The following ITGB8 variants were observed in gnomAD, a reference collection of about 807,000 sequenced individuals.
The protein encoded by ITGB8 is integrin subunit beta 8.
Under a neutral mutation model 89.5 loss-of-function variants are expected in ITGB8, and 30 were observed. That is an observed-to-expected ratio of 0.34 (90% CI 0.25 to 0.45). ITGB8 has a LOEUF of 0.45. ITGB8 is among the 20% of genes least tolerant of loss of function. The probability of loss-of-function intolerance (pLI) is 1.00; values close to 1 mark genes in which losing one functional copy is unlikely to be tolerated. For synonymous variants in ITGB8, 335 were observed against 320.4 expected (o/e 1.05, Z -0.49); for missense variants, 836 against 933.3 (o/e 0.90, Z 1.36).
chr7:20,338,448 G>A (rs747283668), intron 1 of ITGB8, among the ~76,000 whole-genome samples: 5 of 151,978 alleles, frequency 3.3e-5, no homozygotes, highest in Non-Finnish European at 5.9e-5. Flanking sequence ...CCAACATGGA[G>A]TAAAGACCAG....
At chr7:20,406,643 ATCT>A (rs1787557743) in intron 12 of ITGB8, among the ~76,000 whole-genome samples, 2 of 151,722 alleles carry the variant, frequency 1.3e-5, no homozygotes, top group South Asian at 4.2e-4. Flanking sequence ...TTTTTGTGTC[ATCT>A]TCTACCTTAG....
At chr7:20,360,156 G>A (rs1054968062) in intron 1 of ITGB8, among the ~76,000 whole-genome samples, 10 of 152,120 alleles carry the variant, frequency 6.6e-5, no homozygotes, top group Middle Eastern at 3.2e-3. Flanking sequence ...TTAAAGAAAA[G>A]AATCAGAATA....
intron 1 of ITGB8, among the ~76,000 whole-genome samples, chr7:20,332,230 G>C (rs116856540): frequency 6.6e-6 from 1 of 152,228 alleles, no homozygotes; most frequent in African/African-American, 2.4e-5. Context: ...CCTGTTTACA[G>C]AAGTCATTTA....
intron 3 of ITGB8, among the ~76,000 whole-genome samples, chr7:20,374,858 A>G (rs1197747358): frequency 6.6e-6 from 1 of 152,192 alleles, no homozygotes; most frequent in Admixed American, 6.5e-5. Flanking sequence ...AGAGCTGTTG[A>G]CAAAAAATAA....
At chr7:20,386,348 C>T (rs1013809761) in intron 6 of ITGB8, among the ~76,000 whole-genome samples, 1 of 150,950 alleles carries the variant, frequency 6.6e-6, no homozygotes, top group African/African-American at 2.4e-5. Flanking sequence ...AAGCGATTCT[C>T]CTGCCTCAGC....
chr7:20,396,300 G>A (rs1787074470), intron 8 of ITGB8, among the ~76,000 whole-genome samples: 1 of 152,074 alleles, frequency 6.6e-6, no homozygotes, highest in African/African-American at 2.4e-5. Context: ...GGGCATGGTG[G>A]CGGGTGCCTG....
At chr7:20,366,237 G>A (rs1321005260) in intron 2 of ITGB8, 1 of 152,174 alleles carries the variant, frequency 6.6e-6, no homozygotes, top group African/African-American at 2.4e-5. Flanking sequence ...CTGATGCAGA[G>A]TGTCATGCGT....
At chr7:20,335,708 T>C (rs1784552002) in intron 1 of ITGB8, among the ~76,000 whole-genome samples, 1 of 152,198 alleles carries the variant, frequency 6.6e-6, no homozygotes, top group Non-Finnish European at 1.5e-5. Context: ...TGAGCAGGCT[T>C]TCTTTATCAC....
Position 20,414,883 on chromosome 7 carries a change from G to A in ITGB8, c.*4886G>A, listed in dbSNP as rs1787878820. On this transcript the variant is annotated 3_prime_UTR_variant, in exon 14 of 14. Transcript: ENST00000222573. ...AACTCTATTAATCAGGTTTCTTCTA[G>A]CCTCTGCAACCTACTTCAGTTAGAA... The A allele has an allele frequency of 6.6e-6, 1 of 152,270 alleles. No individual in the cohort carries two copies. The highest frequency in any genetic ancestry group is 1.5e-5 in the Non-Finnish European group (1 of 67,946). The allele number at this position is 152,270 out of a possible 1,614,324, so 9.4% of individuals were successfully genotyped here. A position where few individuals can be genotyped will look rare whatever the true frequency, so the allele number is the denominator to read the frequency against.
At chr7:20,395,367 G>T (rs77336863) in intron 8 of ITGB8, among the ~76,000 whole-genome samples, 1 of 152,190 alleles carries the variant, frequency 6.6e-6, no homozygotes, top group African/African-American at 2.4e-5. Flanking sequence ...GCAATAATCT[G>T]CCAGGGCAGT....
chr7:20,400,740 G>T (rs1175466131), intron 9 of ITGB8, among the ~76,000 whole-genome samples: 1 of 152,088 alleles, frequency 6.6e-6, no homozygotes. Flanking sequence ...CCTTAGTTCT[G>T]GGCTATCTTC....
chr7:20,383,184 T>C (rs1003144302), intron 6 of ITGB8, among the ~76,000 whole-genome samples: 1 of 152,200 alleles, frequency 6.6e-6, no homozygotes, highest in Non-Finnish European at 1.5e-5. Flanking sequence ...ACCAGATCTG[T>C]TGAAATTCTA....
intron 1 of ITGB8, among the ~76,000 whole-genome samples, chr7:20,343,948 G>A (rs3807934): frequency 0.52 from 79,341 of 151,984 alleles, 21,471 homozygotes; most frequent in South Asian, 0.7. Context: ...ATTTGAAAAA[G>A]GCCTTGCAGT....
intron 1 of ITGB8, among the ~76,000 whole-genome samples, chr7:20,360,701 G>GGT (rs1562666472): frequency 6.6e-6 from 1 of 151,386 alleles, no homozygotes; most frequent in Non-Finnish European, 1.5e-5. Flanking sequence ...GGTATTCCAT[G>GGT]GTGTGTGTAT....
intron 1 of ITGB8, among the ~76,000 whole-genome samples, chr7:20,361,827 T>C (rs556045159): frequency 6.6e-6 from 1 of 152,350 alleles, no homozygotes; most frequent in East Asian, 1.9e-4. Flanking sequence ...ATACTCTGGG[T>C]AGCCAAGCTG....
chr7:20,331,589 G>A lies in ITGB8; in HGVS notation c.-218G>A. On this transcript the variant is annotated 5_prime_UTR_variant, in exon 1 of 14. It adds an upstream start codon to the 5' untranslated region. Coordinates refer to ENST00000222573, the MANE Select transcript of ITGB8 (RefSeq NM_002214.3). Reference sequence around the variant, plus strand: ...TCTCGCGGAGACCGCGGGACCCGCCGTGCCGAGCCGGGAGGGCCGCAGGGG... The same window carrying A: ...TCTCGCGGAGACCGCGGGACCCGCCATGCCGAGCCGGGAGGGCCGCAGGGG... 2.1e-6 allele frequency: 1 copy of A among 481,066 alleles called. No homozygotes were observed. The highest frequency in any genetic ancestry group is 3.5e-6 in the Non-Finnish European group (1 of 288,020). The allele number at this position is 481,066 out of a possible 1,614,324, so 29.8% of individuals were successfully genotyped here.
rs141497492 is a variant in ITGB8, at chr7:20,376,880, C to T, written c.389-2171C>T. On this transcript the variant is annotated intron_variant, in intron 3 of 13. Coordinates refer to ENST00000222573, the MANE Select transcript of ITGB8 (RefSeq NM_002214.3). ...TCTCTACCAAGGCCTCAGCTGACTC[C>T]GGTATACGTGCTAAGGCCAGAATTT... Among the ~76,000 whole-genome samples, 222 of 152,328 alleles carry T rather than the reference C, an allele frequency of 1.5e-3. 1 individual carries two copies. The highest frequency in any genetic ancestry group is 3.4e-3 in the Middle Eastern group (1 of 292).
At chr7:20,399,750 G>T (rs1243722536) in intron 9 of ITGB8, among the ~76,000 whole-genome samples, 1 of 152,072 alleles carries the variant, frequency 6.6e-6, no homozygotes, top group Admixed American at 6.5e-5. Flanking sequence ...TACGTCATGA[G>T]GCATTGTCTC....
chr7:20,404,540 A>C, intron 10 of ITGB8, 88 bp from the exon 11 acceptor site: 1 of 1,098,866 alleles, frequency 9.1e-7, no homozygotes, highest in Middle Eastern at 2.2e-4. Flanking sequence ...GTGCGTTTCC[A>C]TGGAGATGAT....
Sources: allele counts gnomAD v4.1 joint callset (sites outside exome capture counted in the v4.1 genomes callset), GRCh38; gene constraint gnomAD v4.1.1; transcripts MANE v1.5; gene names NCBI Gene and HGNC (gene_info 2026-07-23, HGNC 2026-07-21).